The following YME1L1 variants were observed in gnomAD, a reference collection of about 807,000 sequenced individuals.
YME1L1 encodes the protein YME1 like 1 ATPase.
In YME1L1, 39 loss-of-function variants were observed where a neutral mutation model predicts 90.4. That is an observed-to-expected ratio of 0.43 (90% CI 0.33 to 0.56). The LOEUF (loss-of-function observed/expected upper bound fraction) is 0.56. Ranked by LOEUF, YME1L1 falls within the 20% of genes least tolerant of loss-of-function variation. YME1L1 has a pLI of 0.03. For missense variants in YME1L1, 617 were observed against 868.4 expected (o/e 0.71, Z 3.64); for synonymous variants, 284 against 287.3 (o/e 0.99, Z 0.12).
chr10:27,117,062 G>A (rs1416869253), intron 15 of YME1L1, among the ~76,000 whole-genome samples: 2 of 152,080 alleles, frequency 1.3e-5, no homozygotes, highest in Non-Finnish European at 2.9e-5. Flanking sequence ...AGCAATTAGA[G>A]AATAAAAACA....
At position 27,111,771 on chromosome 10, in the gene YME1L1, T is replaced by C. The variant is rs966696890; in HGVS notation, c.*206A>G. 1.8e-5 allele frequency: 12 copies of C among 675,790 alleles called. No homozygotes were observed. Among genetic ancestry groups the C allele is most frequent in the African/African-American group, 1.6e-4 (9 of 56,056 alleles). 41.9% of individuals were successfully genotyped at this position (675,790 alleles called of 1,614,324 possible). On this transcript the variant is annotated 3_prime_UTR_variant, in exon 19 of 19. Coordinates refer to ENST00000376016, the MANE Select transcript of YME1L1 (RefSeq NM_014263.4). The stretch of plus-strand genomic sequence containing the variant: ...GATAGTTCTTTATTTTTTCAAAATA[T>C]ATTTGCCATGGGATGCTAATTTGCA...
At chr10:27,140,473 G>GT (rs905097662) in intron 4 of YME1L1, among the ~76,000 whole-genome samples, 8 of 151,778 alleles carry the variant, frequency 5.3e-5, no homozygotes, top group South Asian at 2.1e-4. Flanking sequence ...AAGTATTTAG[G>GT]TTTTTTTTGT....
Position 27,154,220 on chromosome 10 carries a change from G to A in YME1L1, c.-10C>T, listed in dbSNP as rs1025134320. On this transcript the variant is annotated 5_prime_UTR_variant, in exon 1 of 19. Coordinates refer to ENST00000376016, the MANE Select transcript of YME1L1 (RefSeq NM_014263.4). ...TCGACAAGGAAAACATCTCCGGCGG[G>A]CCCTCAGCGACCTCACCCGCCTGCC... is the stretch of plus-strand genomic sequence containing the variant. 2.5e-6 allele frequency: 4 copies of A among 1,585,652 alleles called. No homozygotes were observed. The African/African-American group carries it at 4.0e-5, about 16-fold the overall frequency.
In YME1L1 at chr10:27,122,151, G is replaced by GT. The variant is rs564781228; in HGVS notation, c.1235+689dup. On this transcript the variant is annotated intron_variant, in intron 11 of 18. Coordinates refer to ENST00000376016, the MANE Select transcript of YME1L1 (RefSeq NM_014263.4). ...TTCCAAAAGTCCTGGCATTACAGGC[G>GT]TGAGCCACCATGCCCAGCTTCATTA... Among the ~76,000 whole-genome samples the GT allele has an allele frequency of 5.5e-4, 83 of 152,262 alleles. 1 individual carries two copies. In the East Asian group the frequency reaches 0.014, roughly 27 times the overall value.
At position 27,111,728 on chromosome 10, in the gene YME1L1, A is replaced by G. The variant is rs1056456765; in HGVS notation, c.*249T>C. The stretch of plus-strand genomic sequence containing the variant: ...TAATAACTAATTGACATTCCTCAAA[A>G]GAGCTGTTTTCAATCCTGATAGTTC... On this transcript the variant is annotated 3_prime_UTR_variant, in exon 19 of 19. Coordinates refer to ENST00000376016, the MANE Select transcript of YME1L1 (RefSeq NM_014263.4). 1.6e-5 allele frequency: 9 copies of G among 561,686 alleles called. No homozygotes were observed. In the African/African-American group the frequency reaches 1.7e-4, roughly 11 times the overall value. 34.8% of individuals were successfully genotyped at this position (561,686 alleles called of 1,614,324 possible). A position where few individuals can be genotyped will look rare whatever the true frequency, so the allele number is the denominator to read the frequency against.
intron 14 of YME1L1, among the ~76,000 whole-genome samples, chr10:27,118,312 G>C (rs1009771239): frequency 6.6e-6 from 1 of 151,850 alleles, no homozygotes; most frequent in Non-Finnish European, 1.5e-5. Context: ...TTTTTAAACA[G>C]GGTCTGTAAC....
intron 13 of YME1L1, 49 bp downstream of exon 13, chr10:27,120,386 G>A (rs753634866): frequency 7.5e-6 from 10 of 1,326,870 alleles, no homozygotes; most frequent in Non-Finnish European, 1.1e-5. Context: ...CAGGGTGAGT[G>A]GTATATTACC....
chr10:27,142,348 ATAT>A, intron 4 of YME1L1, 36 bp downstream of exon 4: 1 of 1,183,232 alleles, frequency 8.5e-7, no homozygotes, highest in South Asian at 1.9e-5. Flanking sequence ...TAGTAAATAA[ATAT>A]TTTTTTTTCC....
Position 27,131,902 on chromosome 10 carries a change from T to G in YME1L1, c.815A>C (p.Asp272Ala), listed in dbSNP as rs1465779409. Reference protein sequence around the residue: ...RTTTGLDSAVDPVQMKNVTFE... With the variant: ...RTTTGLDSAVAPVQMKNVTFE... Reference sequence around the variant, plus strand: ...GGTGACATTTTTCATCTGGACAGGATCTACTGCAGAATCAAGCCCTGTTGT... The same window carrying G: ...GGTGACATTTTTCATCTGGACAGGAGCTACTGCAGAATCAAGCCCTGTTGT... Residue 272 changes from aspartate (D) to alanine (A), a missense_variant, in exon 8 of 19, where the codon GAT becomes GCT. By Grantham distance (126) the Asp-to-Ala change is moderately radical. This residue lies in a region of YME1L1 where 311 missense variants were observed against 335.8 expected (regional missense o/e 0.93). Coordinates refer to ENST00000376016, the MANE Select transcript of YME1L1 (RefSeq NM_014263.4). 6.2e-7 allele frequency: 1 copy of G among 1,613,268 alleles called. No homozygotes were observed. Among genetic ancestry groups the G allele is most frequent in the African/African-American group, 1.3e-5 (1 of 74,854 alleles).
chr10:27,128,512 G>A (rs1057102613), intron 8 of YME1L1, among the ~76,000 whole-genome samples: 3 of 151,998 alleles, frequency 2.0e-5, no homozygotes, highest in Non-Finnish European at 2.9e-5. Flanking sequence ...GAGATGGGAG[G>A]ACTGCCTGAG....
chr10:27,112,130 A>G lies in YME1L1; in HGVS notation c.2008-10T>C, dbSNP rs1246467642. The G allele has an allele frequency of 1.2e-6, 2 of 1,604,200 alleles. No homozygotes were observed. ...CTCGTTCATATGAGTCCTGAAACAG[A>G]AAAGGAGATACGTAAGCAGCAGCAA... On this transcript the variant is annotated splice_polypyrimidine_tract_variant and intron_variant, in intron 18 of 18. Transcript: ENST00000376016.
At chr10:27,129,948 C>T (rs1218880278) in intron 8 of YME1L1, among the ~76,000 whole-genome samples, 2 of 152,190 alleles carry the variant, frequency 1.3e-5, no homozygotes, top group Non-Finnish European at 2.9e-5. Context: ...AGTTTACCAA[C>T]ATTCCAACTT....
intron 4 of YME1L1, among the ~76,000 whole-genome samples, chr10:27,139,285 T>A (rs2057061480): frequency 6.6e-6 from 1 of 152,008 alleles, no homozygotes; most frequent in African/African-American, 2.4e-5. Context: ...ACCTTGAACT[T>A]TGGGCTCAAG....
In YME1L1 at chr10:27,120,492, C is replaced by T; in HGVS notation, c.1354G>A (p.Val452Ile). The T allele has an allele frequency of 6.2e-7, 1 of 1,613,840 alleles. No individual in the cohort carries two copies. The highest frequency in any genetic ancestry group is 1.3e-5 in the African/African-American group (1 of 75,024). The change falls in exon 13 of 19, where the codon GTA (valine) becomes ATA (isoleucine). Residue 452 changes from valine (V) to isoleucine (I), a missense_variant. This residue lies in a region of YME1L1 where 212 missense variants were observed against 330.0 expected (regional missense o/e 0.64). Transcript: ENST00000376016. Reference protein sequence around the residue: ...DMQVTVPRPDVKGRTEILKWY... With the variant: ...DMQVTVPRPDIKGRTEILKWY... ...TTCAAAATTTCTGTTCGACCTTTTA[C>T]ATCTGGCCTTGGAACTGTAACTTGC...
chr10:27,150,279 T>C (rs1466242475), intron 1 of YME1L1, among the ~76,000 whole-genome samples: 1 of 152,166 alleles, frequency 6.6e-6, no homozygotes, highest in Non-Finnish European at 1.5e-5. Context: ...CCAGGTTTAG[T>C]ACTACAGGCT....
chr10:27,130,035 C>G (rs1051352379), intron 8 of YME1L1, among the ~76,000 whole-genome samples: 1 of 152,090 alleles, frequency 6.6e-6, no homozygotes, highest in Admixed American at 6.6e-5. Context: ...TCCTCTATTC[C>G]ATCTCATTTC....
intron 7 of YME1L1, among the ~76,000 whole-genome samples, chr10:27,132,288 C>T (rs2056985034): frequency 6.6e-6 from 1 of 151,828 alleles, no homozygotes; most frequent in South Asian, 2.1e-4. Flanking sequence ...TTAGCAGAGA[C>T]AGGGTTTTCC....
At position 27,145,616 on chromosome 10, in the gene YME1L1, A is replaced by T. The variant is rs759974895; in HGVS notation, c.169-26T>A. The T allele has an allele frequency of 1.1e-5, 18 of 1,570,944 alleles. No homozygotes were observed. The South Asian group carries it at 1.9e-4, about 16-fold the overall frequency. ...CTGTAAAAGATTGGGTCAACCAGGT[A>T]TGCATTAATATTATCAAGATATTTA... On this transcript the variant is annotated intron_variant, in intron 2 of 18. Coordinates refer to ENST00000376016, the MANE Select transcript of YME1L1 (RefSeq NM_014263.4).
At chr10:27,143,559 G>A (rs544654824) in intron 3 of YME1L1, among the ~76,000 whole-genome samples, 4 of 151,918 alleles carry the variant, frequency 2.6e-5, no homozygotes, top group East Asian at 1.9e-4. Flanking sequence ...TTAGCCGGGC[G>A]TGGTGGCGGA....
Sources: gnomAD v4.1 joint callset for allele counts (sites outside exome capture counted in the v4.1 genomes callset) on GRCh38, gnomAD v4.1.1 for gene constraint, gnomAD v4.1.1 regional missense constraint, MANE v1.5 for transcripts, NCBI Gene and HGNC (gene_info 2026-07-23, HGNC 2026-07-21) for gene names.